The following ZDHHC7 variants were observed in gnomAD, a reference collection of about 807,000 sequenced individuals.
The protein encoded by ZDHHC7 is zDHHC palmitoyltransferase 7.
ZDHHC7 carries 12 observed loss-of-function variants against 34.1 expected under a neutral mutation model. The ratio of observed to expected loss-of-function variants is 0.35; its 90% CI spans 0.23 to 0.57. The LOEUF is 0.57. Among genes scored for constraint, ZDHHC7 ranks in the 20% least tolerant of loss-of-function variants. The pLI, the probability that ZDHHC7 is intolerant of heterozygous loss-of-function variation, is 0.84. For synonymous variants in ZDHHC7, 185 were observed against 155.4 expected (o/e 1.19, Z -1.42); for missense variants, 388 against 402.7 (o/e 0.96, Z 0.31).
chr16:85,016,680 C>G, the ZDHHC7 span, among the ~76,000 whole-genome samples: 2 of 151,468 alleles, frequency 1.3e-5, no homozygotes, highest in South Asian at 4.2e-4. Flanking sequence ...ATTGCCCAGG[C>G]TAGTCTTGAA....
intron 1 of ZDHHC7, among the ~76,000 whole-genome samples, chr16:85,000,940 A>G (rs1597558207): frequency 6.6e-6 from 1 of 152,228 alleles, no homozygotes; most frequent in Admixed American, 6.5e-5. Context: ...AAGTGTCAAT[A>G]AAGACAACAG....
chr16:84,977,313 GCCCCTGGC>G, intron 6 of ZDHHC7, 88 bp from the exon 7 acceptor site: 1 of 1,517,332 alleles, frequency 6.6e-7, no homozygotes, highest in Non-Finnish European at 8.9e-7. Context: ...TCTAGGGCCA[GCCCCTGGC>G]CAGCTTCCAG....
chr16:84,996,255 T>A (rs28564732), intron 1 of ZDHHC7, among the ~76,000 whole-genome samples: 3,454 of 152,286 alleles, frequency 0.023, 133 homozygotes, highest in African/African-American at 0.077. Flanking sequence ...TTAGCCCCAG[T>A]GTTAAATACA....
chr16:85,017,844 A>T, the ZDHHC7 span, among the ~76,000 whole-genome samples: 1 of 152,132 alleles, frequency 6.6e-6, no homozygotes, highest in Admixed American at 6.5e-5. Context: ...ATGCGGGCGG[A>T]CTCAAAAGTC....
At chr16:85,016,809 T>G in the ZDHHC7 span, among the ~76,000 whole-genome samples, 1 of 151,776 alleles carries the variant, frequency 6.6e-6, no homozygotes, top group African/African-American at 2.4e-5. Flanking sequence ...ATAATTCCAT[T>G]CTTATCAAGG....
At chr16:85,021,972 C>A in the ZDHHC7 span, among the ~76,000 whole-genome samples, 1 of 148,742 alleles carries the variant, frequency 6.7e-6, no homozygotes, top group Admixed American at 6.7e-5. Context: ...CTGGCCAACA[C>A]GGTGAAACCC....
chr16:85,027,582 G>A, the ZDHHC7 span, among the ~76,000 whole-genome samples: 2 of 152,144 alleles, frequency 1.3e-5, no homozygotes, highest in Non-Finnish European at 2.9e-5. Context: ...GGGGGCGCCG[G>A]GCGTACCCGA....
chr16:84,974,715 CCA>C lies in ZDHHC7; in HGVS notation c.*1626_*1627del, dbSNP rs374579957. 401 of 152,742 alleles carry C rather than the reference CCA, an allele frequency of 2.6e-3. No homozygotes were observed. Among genetic ancestry groups the C allele is most frequent in the Middle Eastern group, 0.01 (3 of 294 alleles). 9.5% of individuals were successfully genotyped at this position (152,742 alleles called of 1,614,324 possible). A position where few individuals can be genotyped will look rare whatever the true frequency, so the allele number is the denominator to read the frequency against. ...CGGAAACTGGCGTCTCCAGGATCAC[CCA>C]CACTTTGTCCCTCTGGCTGTGACGC... On this transcript the variant is annotated 3_prime_UTR_variant, in exon 8 of 8. Transcript: ENST00000313732.
At chr16:85,018,511 G>T in the ZDHHC7 span, among the ~76,000 whole-genome samples, 2 of 151,298 alleles carry the variant, frequency 1.3e-5, no homozygotes, top group Non-Finnish European at 2.9e-5. Flanking sequence ...GCAATGGCAC[G>T]ATCTCAGCTC....
chr16:85,015,387 C>T (rs2072829957), upstream of ZDHHC7, among the ~76,000 whole-genome samples: 1 of 152,094 alleles, frequency 6.6e-6, no homozygotes, highest in Admixed American at 6.6e-5. Context: ...AGATGTGAGC[C>T]ACCACGCACG....
At chr16:85,012,003 C>T (rs375317806), upstream of ZDHHC7, among the ~76,000 whole-genome samples, 3 of 152,204 alleles carry the variant, frequency 2.0e-5, no homozygotes, top group African/African-American at 4.8e-5. Context: ...GCGGAGCCCC[C>T]GGCCTCCTCC....
chr16:85,010,382 TAACA>T (rs1428325930), intron 1 of ZDHHC7, among the ~76,000 whole-genome samples: 1 of 151,896 alleles, frequency 6.6e-6, no homozygotes, highest in African/African-American at 2.4e-5. Context: ...CTGTAAAACA[TAACA>T]AAAAAGAGAT....
At chr16:85,001,889 C>G (rs1327040316) in intron 1 of ZDHHC7, among the ~76,000 whole-genome samples, 1 of 148,942 alleles carries the variant, frequency 6.7e-6, no homozygotes. Context: ...ATACCATTCT[C>G]TAATAAATAA....
the ZDHHC7 span, among the ~76,000 whole-genome samples, chr16:85,022,668 C>A: frequency 6.6e-6 from 1 of 152,214 alleles, no homozygotes; most frequent in East Asian, 1.9e-4. Flanking sequence ...ATCTTCCCCA[C>A]AAATTTCTGA....
At chr16:84,997,610 A>G (rs563826699) in intron 1 of ZDHHC7, among the ~76,000 whole-genome samples, 118 of 150,788 alleles carry the variant, frequency 7.8e-4, no homozygotes, top group African/African-American at 2.8e-3. Flanking sequence ...AAGAGTAGAA[A>G]TGGGCCAGGC....
chr16:85,025,496 C>T, the ZDHHC7 span, among the ~76,000 whole-genome samples: 27,967 of 152,012 alleles, frequency 0.18, 2,890 homozygotes, highest in Middle Eastern at 0.26. Context: ...GCAACCTCTG[C>T]CTCCCAGGTT....
At chr16:84,977,285 T>C in intron 6 of ZDHHC7, 60 bp from the exon 7 acceptor site, 1 of 1,596,484 alleles carries the variant, frequency 6.3e-7, no homozygotes. Flanking sequence ...GCAGAATGTT[T>C]GGCTCAGAGA....
chr16:84,993,817 C>A lies in ZDHHC7; in HGVS notation c.-18+2105G>T, dbSNP rs191548853. On this transcript the variant is annotated intron_variant, in intron 2 of 7. Transcript: ENST00000313732. ...TCAACATCCCCTGCAAACACCTTTGCAGCACCATTGCCTCTACATAAACCT... is the reference window on the plus strand; with the variant it reads ...TCAACATCCCCTGCAAACACCTTTGAAGCACCATTGCCTCTACATAAACCT... 7.7e-4 allele frequency among the ~76,000 whole-genome samples: 118 copies of A among 152,316 alleles called. 1 individual carries two copies. The highest frequency in any genetic ancestry group is 2.8e-3 in the African/African-American group (115 of 41,566).
In ZDHHC7 at chr16:84,982,496, G is replaced by A. The variant is rs576900788; in HGVS notation, c.316-502C>T. Among the ~76,000 whole-genome samples the A allele has an allele frequency of 2.6e-5, 4 of 152,290 alleles. No individual in the cohort carries two copies. In the South Asian group the frequency reaches 6.2e-4, roughly 24 times the overall value. Reference sequence around the variant, plus strand: ...GCACTGACTGTCCCCAGGTGGGGCAGGGAACCTCTTTGCACACCACTTCCC... The same window carrying A: ...GCACTGACTGTCCCCAGGTGGGGCAAGGAACCTCTTTGCACACCACTTCCC... On this transcript the variant is annotated intron_variant, in intron 3 of 7. Coordinates refer to ENST00000313732, the MANE Select transcript of ZDHHC7 (RefSeq NM_017740.3).
Sources: allele counts gnomAD v4.1 joint callset (sites outside exome capture counted in the v4.1 genomes callset), GRCh38; gene constraint gnomAD v4.1.1; transcripts MANE v1.5; gene names NCBI Gene and HGNC (gene_info 2026-07-23, HGNC 2026-07-21).